The following DIP2C variants were observed in gnomAD, a reference collection of about 807,000 sequenced individuals.
DIP2C encodes disco-interacting protein 2 homolog C.
DIP2C carries 33 observed loss-of-function variants against 192.4 expected under a neutral mutation model. That is an observed-to-expected ratio of 0.17 (90% CI 0.13 to 0.23). The LOEUF is 0.23. Among genes scored for constraint, DIP2C ranks in the 10% least tolerant of loss-of-function variants. The pLI is 1.00. For missense variants in DIP2C, 1,537 were observed against 2,110.1 expected (o/e 0.73, Z 5.32); for synonymous variants, 979 against 864.1 (o/e 1.13, Z -2.33).
chr10:384,451 T>TG, intron 15 of DIP2C, 95 bp downstream of exon 15: 1 of 1,245,982 alleles, frequency 8.0e-7, no homozygotes. Context: ...TTGGCCCGGG[T>TG]GGTCTGGAAC....
At chr10:594,957 G>C (rs1350705052) in intron 1 of DIP2C, among the ~76,000 whole-genome samples, 1 of 152,204 alleles carries the variant, frequency 6.6e-6, no homozygotes, top group East Asian at 1.9e-4. Flanking sequence ...AGAGAAGGGA[G>C]AGGAGACAGA....
At chr10:562,043 G>C (rs913835268) in intron 1 of DIP2C, among the ~76,000 whole-genome samples, 3 of 152,208 alleles carry the variant, frequency 2.0e-5, no homozygotes, top group Non-Finnish European at 2.9e-5. Context: ...ACGTTCCGAA[G>C]GATGCATTTT....
At chr10:576,202 G>C (rs56737854) in intron 1 of DIP2C, among the ~76,000 whole-genome samples, 88 of 152,324 alleles carry the variant, frequency 5.8e-4, no homozygotes, top group African/African-American at 2.0e-3. Context: ...GGTATCAGTG[G>C]GGTTCTCCTG....
chr10:559,229 T>G (rs1849063522), intron 1 of DIP2C, among the ~76,000 whole-genome samples: 1 of 151,832 alleles, frequency 6.6e-6, no homozygotes, highest in South Asian at 2.1e-4. Context: ...ATGAGAGAAG[T>G]GCTTGGGCCC....
intron 1 of DIP2C, among the ~76,000 whole-genome samples, chr10:681,358 A>G (rs534896755): frequency 6.6e-6 from 1 of 151,782 alleles, no homozygotes; most frequent in East Asian, 1.9e-4. Flanking sequence ...CAGGGAATGC[A>G]GACCCTCAGT....
At chr10:638,541 C>T (rs535005375) in intron 1 of DIP2C, among the ~76,000 whole-genome samples, 6 of 152,246 alleles carry the variant, frequency 3.9e-5, no homozygotes, top group South Asian at 4.2e-4. Context: ...CTCGAAGCAC[C>T]GTACTCAGAA....
At chr10:575,890 G>A (rs921337203) in intron 1 of DIP2C, among the ~76,000 whole-genome samples, 4 of 152,168 alleles carry the variant, frequency 2.6e-5, no homozygotes, top group African/African-American at 4.8e-5. Flanking sequence ...TCTTACCTGC[G>A]CCTCTCCTCC....
intron 1 of DIP2C, among the ~76,000 whole-genome samples, chr10:590,777 T>C (rs1588539360): frequency 6.6e-6 from 1 of 152,282 alleles, no homozygotes; most frequent in East Asian, 1.9e-4. Context: ...AACTCAAATA[T>C]CTTACAGCCA....
At chr10:513,426 T>A (rs896778168) in intron 1 of DIP2C, among the ~76,000 whole-genome samples, 1 of 152,356 alleles carries the variant, frequency 6.6e-6, no homozygotes, top group African/African-American at 2.4e-5. Context: ...ATCCACTGCA[T>A]GCTGCAGCCC....
At chr10:520,432 C>A (rs1306252907) in intron 1 of DIP2C, among the ~76,000 whole-genome samples, 17 of 152,236 alleles carry the variant, frequency 1.1e-4, no homozygotes, top group Admixed American at 1.1e-3. Context: ...AAAGTAATTT[C>A]TGCATACAAA....
chr10:290,017 G>A (rs961977076), intron 32 of DIP2C, among the ~76,000 whole-genome samples: 5 of 152,218 alleles, frequency 3.3e-5, no homozygotes, highest in Non-Finnish European at 7.3e-5. Flanking sequence ...AGAAGCACCC[G>A]TGCCGGGGAG....
intron 4 of DIP2C, among the ~76,000 whole-genome samples, chr10:438,914 C>CA (rs925375136): frequency 2.0e-5 from 3 of 151,914 alleles, no homozygotes; most frequent in African/African-American, 7.3e-5. Context: ...CTCTGCCTCC[C>CA]AGGCTCAAGT....
chr10:650,991 C>G (rs1051344766), intron 1 of DIP2C: 3 of 717,350 alleles, frequency 4.2e-6, no homozygotes, highest in Admixed American at 4.0e-5. Flanking sequence ...CTCTCCATCT[C>G]TCCCGGTGCC....
intron 1 of DIP2C, among the ~76,000 whole-genome samples, chr10:538,308 C>CA (rs1847803202): frequency 6.6e-6 from 1 of 152,006 alleles, no homozygotes; most frequent in Admixed American, 6.6e-5. Flanking sequence ...AGGTGTGCAC[C>CA]ACCACACTCG....
At chr10:301,300 T>A (rs1589424872) in intron 32 of DIP2C, among the ~76,000 whole-genome samples, 2 of 152,210 alleles carry the variant, frequency 1.3e-5, no homozygotes, top group Admixed American at 6.5e-5. Context: ...CATGTTTACA[T>A]GCAGAGAAAC....
Position 277,424 on chromosome 10 carries a change from G to C in DIP2C, c.4572C>G (p.Val1524=). 1 of 1,614,186 alleles carries C rather than the reference G, an allele frequency of 6.2e-7. No homozygotes were observed. Among genetic ancestry groups the C allele is most frequent in the Non-Finnish European group, 8.5e-7 (1 of 1,180,040 alleles). ...TCTCCCCACGGGAGTTGATGGGGATGACGCCGATGTCCACCACGACCACCA... is the reference window on the plus strand; with the variant it reads ...TCTCCCCACGGGAGTTGATGGGGATCACGCCGATGTCCACCACGACCACCA... ...VGVVVVVDIG[V]IPINSRGEKQ... Residue 1524 remains valine, a synonymous_variant, in exon 37 of 37, where the codon GTC becomes GTG. Transcript: ENST00000280886.
At chr10:426,123 AG>A (rs1966582145) in intron 4 of DIP2C, among the ~76,000 whole-genome samples, 1 of 152,226 alleles carries the variant, frequency 6.6e-6, no homozygotes, top group Non-Finnish European at 1.5e-5. Context: ...AACGGCAAGA[AG>A]TCCATCAAAA....
intron 1 of DIP2C, among the ~76,000 whole-genome samples, chr10:526,196 G>A (rs1007748216): frequency 3.9e-5 from 6 of 152,148 alleles, no homozygotes; most frequent in East Asian, 1.9e-4. Flanking sequence ...ACCTGTGCAC[G>A]GCTCACCACT....
chr10:517,971 ACT>A (rs1404447752), intron 1 of DIP2C, among the ~76,000 whole-genome samples: 2 of 152,174 alleles, frequency 1.3e-5, no homozygotes, highest in African/African-American at 2.4e-5. Context: ...TCCACAGGAA[ACT>A]CAACGTTTCA....
Sources: gnomAD v4.1 joint callset for allele counts (sites outside exome capture counted in the v4.1 genomes callset) on GRCh38, gnomAD v4.1.1 for gene constraint, MANE v1.5 for transcripts, NCBI Gene and HGNC (gene_info 2026-07-23, HGNC 2026-07-21) for gene names.